The following UPRT variants were observed in gnomAD, a reference collection of about 807,000 sequenced individuals.
UPRT encodes uracil phosphoribosyltransferase homolog.
Under a neutral mutation model 22.6 loss-of-function variants are expected in UPRT, and 5 were observed. The observed-to-expected ratio is 0.22, with a 90% confidence interval of 0.12 to 0.47. The LOEUF is 0.47. Among genes scored for constraint, UPRT ranks in the 20% least tolerant of loss-of-function variants. The pLI, the probability that UPRT is intolerant of heterozygous loss-of-function variation, is 0.99. For synonymous variants in UPRT, 77 were observed against 87.7 expected (o/e 0.88, Z 0.68); for missense variants, 181 against 239.9 (o/e 0.75, Z 1.62).
chrX:75,229,509 T>G (rs1170561104), intron 4 of UPRT, among the ~76,000 whole-genome samples: 1 of 111,752 alleles, frequency 8.9e-6, no homozygotes, highest in East Asian at 2.8e-4. Context: ...AGCTTGCCAT[T>G]GCAAACGCTG....
chrX:75,180,699 T>TTTTTTTTTTTTTTTTTTTTC, intron 4 of UPRT, among the ~76,000 whole-genome samples: 1 of 85,536 alleles, frequency 1.2e-5, no homozygotes, highest in Non-Finnish European at 2.2e-5. Flanking sequence ...TTTTTTGTTT[T>TTTTTTTTTTTTTTTTTTTTC]TTTTTTTTTT....
At chrX:75,199,166 C>T (rs1484532432) in intron 4 of UPRT, among the ~76,000 whole-genome samples, 2 of 111,856 alleles carry the variant, frequency 1.8e-5, no homozygotes, top group Non-Finnish European at 3.8e-5. Flanking sequence ...CCAGAGGACA[C>T]GGTGGGCATG....
intron 1 of UPRT, among the ~76,000 whole-genome samples, chrX:75,159,504 G>C (rs1288369889): frequency 9.0e-6 from 1 of 111,683 alleles, no homozygotes; most frequent in African/African-American, 3.3e-5. Context: ...AATAAAAAAA[G>C]AAATGCAGAA....
upstream of UPRT, among the ~76,000 whole-genome samples, chrX:75,273,497 T>A (rs2082618581): frequency 1.8e-5 from 2 of 111,018 alleles, no homozygotes; most frequent in Admixed American, 9.6e-5. Flanking sequence ...TTATAGTGAG[T>A]CCATACACTT....
At chrX:75,211,989 T>C (rs1399219638) in intron 4 of UPRT, among the ~76,000 whole-genome samples, 1 of 111,500 alleles carries the variant, frequency 9.0e-6, no homozygotes, top group Non-Finnish European at 1.9e-5. Flanking sequence ...AAAATGTTGA[T>C]AACCTGTTCA....
chrX:75,225,323 C>CCACACAGACA (rs1555969304), intron 4 of UPRT, among the ~76,000 whole-genome samples: 6 of 82,044 alleles, frequency 7.3e-5, no homozygotes, highest in African/African-American at 1.8e-4. Context: ...AAACCAAAAA[C>CCACACAGACA]CACACACACA....
chrX:75,200,372 G>A (rs1251191058), intron 4 of UPRT, among the ~76,000 whole-genome samples: 3 of 111,205 alleles, frequency 2.7e-5, no homozygotes, highest in Non-Finnish European at 5.7e-5. Flanking sequence ...GACGAGAGGA[G>A]CACTTGAGGT....
At chrX:75,278,645 T>C (rs2082641367) in intron 1 of UPRT, among the ~76,000 whole-genome samples, 1 of 111,881 alleles carries the variant, frequency 8.9e-6, no homozygotes, top group African/African-American at 3.2e-5. Flanking sequence ...CCCTGTCCAG[T>C]TTTTTGTTTT....
rs2082514283 is a variant in UPRT, at chrX:75,248,240, T to A, written c.-446-42784T>A. 2.7e-5 allele frequency among the ~76,000 whole-genome samples: 3 copies of A among 111,472 alleles called. No homozygotes were observed. In the Admixed American group the frequency reaches 2.9e-4, roughly 11 times the overall value. The stretch of plus-strand genomic sequence containing the variant: ...AATGACTTTGACGAGAGAAGAAGGC[T>A]TCAGATGATCAAACTACTCCGAGCT... On this transcript the variant is annotated intron_variant, in intron 4 of 13. Transcript: ENST00000652605.
chrX:75,267,354 C>T (rs2082593509), intron 4 of UPRT, among the ~76,000 whole-genome samples: 1 of 111,330 alleles, frequency 9.0e-6, no homozygotes, highest in African/African-American at 3.3e-5. Context: ...TATGTTGTCA[C>T]TCATAGGTGG....
At chrX:75,181,968 T>C (rs2082271653) in intron 4 of UPRT, among the ~76,000 whole-genome samples, 1 of 112,119 alleles carries the variant, frequency 8.9e-6, no homozygotes. Flanking sequence ...TTCAGTATGA[T>C]GCTGCCAGTG....
chrX:75,270,861 A>T (rs923144716), upstream of UPRT, among the ~76,000 whole-genome samples: 13 of 111,326 alleles, frequency 1.2e-4, no homozygotes, highest in Non-Finnish European at 1.9e-4. Flanking sequence ...CTATGTAACA[A>T]ATCTGGACGT....
intron 4 of UPRT, among the ~76,000 whole-genome samples, chrX:75,228,090 CT>C (rs2082428298): frequency 9.0e-6 from 1 of 111,380 alleles, no homozygotes; most frequent in African/African-American, 3.3e-5. Context: ...GGGGAGTGCT[CT>C]TGAGAACAAT....
At chrX:75,223,900 G>A (rs1313846364) in intron 4 of UPRT, among the ~76,000 whole-genome samples, 1 of 111,346 alleles carries the variant, frequency 9.0e-6, no homozygotes, top group Non-Finnish European at 1.9e-5. Flanking sequence ...ATCAGTGGAG[G>A]CTTCTATTCA....
chrX:75,194,261 C>G (rs1236605298), intron 4 of UPRT, among the ~76,000 whole-genome samples: 1 of 111,964 alleles, frequency 8.9e-6, no homozygotes, highest in East Asian at 2.8e-4. Flanking sequence ...ATTGCATGCT[C>G]TAACTCTTAG....
At chrX:75,236,825 T>A (rs1294779766) in intron 4 of UPRT, among the ~76,000 whole-genome samples, 3 of 112,146 alleles carry the variant, frequency 2.7e-5, no homozygotes, top group South Asian at 3.6e-4. Context: ...CTTAAACGTT[T>A]GACCTAAAAC....
At chrX:75,268,961 G>T (rs775355028) in intron 4 of UPRT, among the ~76,000 whole-genome samples, 102 of 111,571 alleles carry the variant, frequency 9.1e-4, no homozygotes, top group African/African-American at 3.3e-3. Context: ...AACAGAGGAA[G>T]TCAAATTGTC....
chrX:75,182,967 T>C (rs897925967), intron 4 of UPRT, among the ~76,000 whole-genome samples: 1 of 111,214 alleles, frequency 9.0e-6, no homozygotes. Flanking sequence ...TTCTAAATTT[T>C]TGACGTGGGC....
At chrX:75,202,043 A>C (rs1379519719) in intron 4 of UPRT, among the ~76,000 whole-genome samples, 1 of 112,041 alleles carries the variant, frequency 8.9e-6, no homozygotes, top group Non-Finnish European at 1.9e-5. Context: ...TAGGTTAGGC[A>C]CTTGGATTCA....
Sources: gnomAD v4.1 joint callset for allele counts (sites outside exome capture counted in the v4.1 genomes callset) on GRCh38, gnomAD v4.1.1 for gene constraint, MANE v1.5 for transcripts, NCBI Gene and HGNC (gene_info 2026-07-23, HGNC 2026-07-21) for gene names.